Variants in RGS6 observed in about 807,000 individuals in gnomAD.
RGS6 encodes regulator of G protein signaling 6, also known as regulator of G-protein signaling 6.
Under a neutral mutation model 78.5 loss-of-function variants are expected in RGS6, and 30 were observed. The ratio of observed to expected loss-of-function variants is 0.38; its 90% CI spans 0.29 to 0.52. The LOEUF (loss-of-function observed/expected upper bound fraction) is 0.52. RGS6 is among the 20% of genes least tolerant of loss of function. RGS6 has a pLI of 0.85. For missense variants in RGS6, 495 were observed against 609.7 expected, an observed-to-expected ratio of 0.81 and a Z score of 1.98; for synonymous variants, 206 against 206.0, an observed-to-expected ratio of 1.00 and a Z score of 0.00.
chr14:72,443,148 C>T (rs1414675174), intron 3 of RGS6, among the ~76,000 whole-genome samples: 2 of 152,142 alleles, frequency 1.3e-5, no homozygotes, highest in African/African-American at 2.4e-5. Context: ...GGAAGGGATA[C>T]TTGATGGAAA....
the RGS6 span, among the ~76,000 whole-genome samples, chr14:72,606,942 G>A: frequency 2.6e-5 from 4 of 152,202 alleles, no homozygotes; most frequent in African/African-American, 9.7e-5. Context: ...GTCCTTACAA[G>A]AAGCAGATGT....
intron 2 of RGS6, among the ~76,000 whole-genome samples, chr14:72,249,905 C>T (rs896064367): frequency 1.3e-5 from 2 of 151,946 alleles, no homozygotes; most frequent in East Asian, 1.9e-4. Flanking sequence ...GAATACTATA[C>T]AGCCATAAAA....
At chr14:71,874,136 G>C in the RGS6 span, among the ~76,000 whole-genome samples, 1 of 152,060 alleles carries the variant, frequency 6.6e-6, no homozygotes, top group African/African-American at 2.4e-5. Flanking sequence ...CTCTTTTTTG[G>C]TTCCATATGA....
intron 2 of RGS6, among the ~76,000 whole-genome samples, chr14:72,314,977 A>G (rs1393980771): frequency 6.6e-6 from 1 of 152,230 alleles, no homozygotes; most frequent in Non-Finnish European, 1.5e-5. Flanking sequence ...TTTGGGATGG[A>G]TGGTGCCCGT....
intron 2 of RGS6, among the ~76,000 whole-genome samples, chr14:72,199,882 G>A (rs1319614124): frequency 6.6e-6 from 1 of 152,214 alleles, no homozygotes; most frequent in South Asian, 2.1e-4. Flanking sequence ...TGGAATTTAG[G>A]CACACTCATT....
At chr14:72,599,393 C>T in the RGS6 span, among the ~76,000 whole-genome samples, 2 of 78,222 alleles carry the variant, frequency 2.6e-5, no homozygotes, top group African/African-American at 5.6e-5. Flanking sequence ...CTTTTCTTTC[C>T]TTTTTTTTTT....
At chr14:71,998,482 A>G (rs573181797) in intron 2 of RGS6, among the ~76,000 whole-genome samples, 10 of 152,358 alleles carry the variant, frequency 6.6e-5, no homozygotes, top group African/African-American at 2.4e-4. Context: ...CCACCCTGGC[A>G]TCGAAAAGCT....
At chr14:71,908,945 A>T in the RGS6 span, among the ~76,000 whole-genome samples, 2 of 152,228 alleles carry the variant, frequency 1.3e-5, no homozygotes, top group African/African-American at 4.8e-5. Context: ...ATTTATGGCC[A>T]TACAGAACAT....
chr14:72,464,634 A>G (rs2095856902), intron 6 of RGS6: 1 of 152,190 alleles, frequency 6.6e-6, no homozygotes, highest in Admixed American at 6.5e-5. Flanking sequence ...TCTGTTGTTC[A>G]TTTATTTATG....
At chr14:71,937,474 G>A (rs192097279) in intron 1 of RGS6, among the ~76,000 whole-genome samples, 10 of 152,242 alleles carry the variant, frequency 6.6e-5, no homozygotes, top group Admixed American at 5.9e-4. Flanking sequence ...GAGCATACAC[G>A]GCCCTCTGGA....
At chr14:72,221,915 A>G (rs2046959761) in intron 2 of RGS6, among the ~76,000 whole-genome samples, 1 of 152,196 alleles carries the variant, frequency 6.6e-6, no homozygotes, top group Non-Finnish European at 1.5e-5. Context: ...AGAAGTGCTA[A>G]GAAGAAAAAA....
In RGS6 at chr14:71,958,007, A is replaced by G. The variant is rs1039172124; in HGVS notation, c.-20-6765A>G. On this transcript the variant is annotated intron_variant, in intron 1 of 17. Coordinates refer to ENST00000553525, the MANE Select transcript of RGS6 (RefSeq NM_001204424.2). ...GGTCTTGAACTCCCAGGTTTAAGCA[A>G]TCCTCATGCATGCATATATATATAT... Among the ~76,000 whole-genome samples, 9 of 143,880 alleles carry G rather than the reference A, an allele frequency of 6.3e-5. No individual in the cohort carries two copies. The South Asian group carries it at 9.1e-4, about 15-fold the overall frequency. 94.4% of individuals were successfully genotyped at this position (143,880 alleles called of 152,430 possible).
chr14:72,600,529 G>T, the RGS6 span, among the ~76,000 whole-genome samples: 1 of 151,634 alleles, frequency 6.6e-6, no homozygotes, highest in East Asian at 1.9e-4. Context: ...AAGCTTTGGG[G>T]GTGTCATAGA....
At chr14:71,994,909 C>A (rs1194438477) in intron 2 of RGS6, among the ~76,000 whole-genome samples, 1 of 152,064 alleles carries the variant, frequency 6.6e-6, no homozygotes, top group Non-Finnish European at 1.5e-5. Flanking sequence ...TTGCTGTGGC[C>A]CCAAGAAAGT....
At chr14:72,227,852 C>G (rs2048497353) in intron 2 of RGS6, among the ~76,000 whole-genome samples, 1 of 151,908 alleles carries the variant, frequency 6.6e-6, no homozygotes, top group African/African-American at 2.4e-5. Flanking sequence ...GTTTGGGGGT[C>G]CCAGAGCAAG....
intron 2 of RGS6, among the ~76,000 whole-genome samples, chr14:72,310,761 T>TC (rs1202871880): frequency 4.6e-5 from 7 of 152,082 alleles, no homozygotes; most frequent in Admixed American, 1.3e-4. Context: ...ACCACCAGCC[T>TC]CCCCTGAGCC....
rs193170043 is a variant in RGS6 at position 72,054,306 on chromosome 14, C to T, written c.84+89431C>T. Among the ~76,000 whole-genome samples, 20 of 152,186 alleles carry T rather than the reference C, an allele frequency of 1.3e-4. No individual in the cohort carries two copies. In the East Asian group the frequency reaches 1.9e-3, roughly 15 times the overall value. The stretch of plus-strand genomic sequence containing the variant: ...TGTTTTTCCTTCTTTCATAACAGTT[C>T]GCTCAATTAACTATACCAGAGGCAT... On this transcript the variant is annotated intron_variant, in intron 2 of 17. Coordinates refer to ENST00000553525, the MANE Select transcript of RGS6 (RefSeq NM_001204424.2).
At chr14:72,585,974 A>G in the RGS6 span, among the ~76,000 whole-genome samples, 1 of 152,166 alleles carries the variant, frequency 6.6e-6, no homozygotes, top group East Asian at 1.9e-4. Flanking sequence ...CGAAGACACA[A>G]TTGGAACATA....
At chr14:72,162,007 G>A (rs954819081) in intron 2 of RGS6, among the ~76,000 whole-genome samples, 2 of 152,070 alleles carry the variant, frequency 1.3e-5, no homozygotes, top group African/African-American at 2.4e-5. Flanking sequence ...TGTAATATAC[G>A]CAAGGGCAAG....
Sources: gnomAD v4.1 joint callset for allele counts (sites outside exome capture counted in the v4.1 genomes callset) on GRCh38, gnomAD v4.1.1 for gene constraint, MANE v1.5 for transcripts, NCBI Gene and HGNC (gene_info 2026-07-23, HGNC 2026-07-21) for gene names.